Variants in GPATCH2L observed in about 807,000 individuals in gnomAD.
GPATCH2L encodes the protein G patch domain-containing protein 2-like.
In GPATCH2L, 31 loss-of-function variants were observed where a neutral mutation model predicts 57.4. The observed-to-expected ratio is 0.54, with a 90% CI of 0.41 to 0.73. GPATCH2L has a LOEUF of 0.73. Ranked by LOEUF, GPATCH2L falls within the 30% of genes least tolerant of loss-of-function variation. GPATCH2L has a pLI of 0.00. For missense variants in GPATCH2L, 481 were observed against 599.9 expected (o/e 0.80, Z 2.07); for synonymous variants, 199 against 210.7 (o/e 0.94, Z 0.48).
intron 1 of GPATCH2L, chr14:76,153,504 CT>C (rs1286661498): frequency 1.3e-5 from 2 of 152,208 alleles, no homozygotes. Flanking sequence ...AAACTTCACC[CT>C]ATCCCTGTCA....
intron 8 of GPATCH2L, among the ~76,000 whole-genome samples, chr14:76,190,114 A>T (rs1380865662): frequency 6.6e-6 from 1 of 150,388 alleles, no homozygotes; most frequent in East Asian, 1.9e-4. Flanking sequence ...TTCTCAAAGT[A>T]TTTTTTTTTC....
Position 76,201,826 on chromosome 14 carries a change from A to G in GPATCH2L, c.1424A>G (p.Gln475Arg). Residue 475 changes from glutamine (Q) to arginine (R), a missense_variant, in exon 10 of 10, where the codon CAA (glutamine) becomes CGA (arginine). Transcript: ENST00000261530. ...ATTATFFKMP[Q>R]EKSPGYS Reference sequence around the variant, plus strand: ...ACTGCTACATTTTTTAAAATGCCACAAGAAAAGAGCCCTGGATACAGCTAG... The same window carrying G: ...ACTGCTACATTTTTTAAAATGCCACGAGAAAAGAGCCCTGGATACAGCTAG... 3 of 1,614,056 alleles carry G rather than the reference A, an allele frequency of 1.9e-6. No homozygotes were observed. Among genetic ancestry groups the G allele is most frequent in the Non-Finnish European group, 2.5e-6 (3 of 1,179,948 alleles).
chr14:76,189,760 G>A (rs2039897114), intron 8 of GPATCH2L, among the ~76,000 whole-genome samples: 1 of 152,062 alleles, frequency 6.6e-6, no homozygotes, highest in Non-Finnish European at 1.5e-5. Context: ...GTGAAGGTGG[G>A]CATCCTTATC....
intron 8 of GPATCH2L, among the ~76,000 whole-genome samples, chr14:76,182,080 G>A (rs1566798337): frequency 1.3e-5 from 2 of 152,132 alleles, no homozygotes; most frequent in South Asian, 4.1e-4. Context: ...TTGAACTGCC[G>A]GGCGCGGTGG....
At chr14:76,230,061 G>A (rs2040553855) in intron 2 of GPATCH2L, 1 of 152,204 alleles carries the variant, frequency 6.6e-6, no homozygotes, top group South Asian at 2.1e-4. Context: ...CAGGCTCTGA[G>A]GCTGGTCTGC....
In GPATCH2L at chr14:76,233,170, G is replaced by A. The variant is rs74318675; in HGVS notation, c.*117+3217G>A. Among the ~76,000 whole-genome samples the A allele has an allele frequency of 2.1e-3, 319 of 152,226 alleles. 2 individuals are homozygous for A. Among genetic ancestry groups the A allele is most frequent in the African/African-American group, 7.3e-3 (303 of 41,518 alleles). On this transcript the variant is annotated intron_variant and NMD_transcript_variant, in intron 2 of 3. Coordinates refer to the GPATCH2L transcript ENST00000556372. ...GGTCAATTCTTAGGGTAAATTATTG[G>A]GAGTGGAATTATTGGAGCGAAGGAT...
chr14:76,215,607 T>G (rs2040484466), downstream of GPATCH2L, among the ~76,000 whole-genome samples: 1 of 151,834 alleles, frequency 6.6e-6, no homozygotes, highest in Admixed American at 6.6e-5. Context: ...GGAGTTCATG[T>G]CCTTTGTAGG....
At chr14:76,223,581 T>G (rs1190090235) in intron 1 of GPATCH2L, among the ~76,000 whole-genome samples, 20 of 152,086 alleles carry the variant, frequency 1.3e-4, no homozygotes, top group Non-Finnish European at 2.9e-5. Context: ...AATAGATAAA[T>G]AAGCCTTTAT....
chr14:76,219,004 A>C (rs28646149), downstream of GPATCH2L, among the ~76,000 whole-genome samples: 2 of 136,576 alleles, frequency 1.5e-5, no homozygotes, highest in East Asian at 2.1e-4. Context: ...TTCTAAAAGT[A>C]CAAAAAAAAA....
chr14:76,167,484 G>A (rs945890429), intron 3 of GPATCH2L, among the ~76,000 whole-genome samples: 3 of 152,148 alleles, frequency 2.0e-5, no homozygotes, highest in Admixed American at 2.0e-4. Context: ...AGCAATTAAA[G>A]GACAGACGTA....
At chr14:76,219,796 A>G (rs143642590) in intron 1 of GPATCH2L, among the ~76,000 whole-genome samples, 111 of 152,262 alleles carry the variant, frequency 7.3e-4, no homozygotes, top group African/African-American at 2.6e-3. Flanking sequence ...TGGAGGGGAT[A>G]GTGTCTTTTG....
chr14:76,217,577 G>A (rs538725520), downstream of GPATCH2L, among the ~76,000 whole-genome samples: 1 of 145,242 alleles, frequency 6.9e-6, no homozygotes, highest in African/African-American at 2.6e-5. Context: ...TGCAATAAGA[G>A]GAGATATATT....
At chr14:76,175,000 A>T (rs1311186572) in intron 5 of GPATCH2L, 6 of 152,192 alleles carry the variant, frequency 3.9e-5, no homozygotes, top group Non-Finnish European at 2.9e-5. Flanking sequence ...CAAATTACTC[A>T]TTTTACAGAC....
At position 76,176,594 on chromosome 14, in the gene GPATCH2L, T is replaced by C. The variant is rs774543493; in HGVS notation, c.985-29T>C. ...TTATATGTTTGTTTCTGTGGTTGGA[T>C]GATACTCTTGTCTGCCTTTTCTTTT... is the stretch of plus-strand genomic sequence containing the variant. On this transcript the variant is annotated intron_variant, in intron 5 of 9. Coordinates refer to ENST00000261530, the MANE Select transcript of GPATCH2L (RefSeq NM_017926.4). 11 of 1,485,516 alleles carry C rather than the reference T, an allele frequency of 7.4e-6. No homozygotes were observed. The South Asian group carries it at 1.1e-4, about 15-fold the overall frequency. 92.0% of individuals were successfully genotyped at this position (1,485,516 alleles called of 1,614,324 possible).
At chr14:76,199,005 G>A (rs1345319322) in intron 9 of GPATCH2L, among the ~76,000 whole-genome samples, 1 of 152,044 alleles carries the variant, frequency 6.6e-6, no homozygotes, top group Non-Finnish European at 1.5e-5. Context: ...AATTCTTATT[G>A]CCCACTGTGT....
chr14:76,212,388 G>A lies in GPATCH2L; in HGVS notation c.*10537G>A, dbSNP rs573187477. 29 of 151,712 alleles carry A rather than the reference G, an allele frequency of 1.9e-4. No individual in the cohort carries two copies. Among genetic ancestry groups the A allele is most frequent in the African/African-American group, 7.0e-4 (29 of 41,392 alleles). The allele number at this position is 151,712 out of a possible 1,614,324, so 9.4% of individuals were successfully genotyped here. ...GCATATCAGGCAAGGTTGAACTTAG[G>A]GAAAAGGAACCGGAAAAAAAAAAAC... On this transcript the variant is annotated 3_prime_UTR_variant, in exon 10 of 10. Coordinates refer to ENST00000261530, the MANE Select transcript of GPATCH2L (RefSeq NM_017926.4).
At chr14:76,196,138 T>A (rs1207036497) in intron 9 of GPATCH2L, 166 bp downstream of exon 9, 1 of 715,572 alleles carries the variant, frequency 1.4e-6, no homozygotes, top group African/African-American at 1.7e-5. Flanking sequence ...TAGTTCTTGC[T>A]GACTCTGAAG....
In GPATCH2L at chr14:76,178,005, C is replaced by T; in HGVS notation, c.1070C>T (p.Ala357Val). The change falls in exon 7 of 10, where the codon GCT becomes GTT. Residue 357 changes from alanine to valine, a missense_variant. Ala to Val is a moderately conservative substitution (Grantham distance 64, BLOSUM62 0). Coordinates refer to ENST00000261530, the MANE Select transcript of GPATCH2L (RefSeq NM_017926.4). ...TTCTTTAGAAAGAATAAAGCGTTGG[C>T]TTCTGATTTTCCTCACATTTCTGCT... ...PRQKEKNKAL[A>V]SDFPHISACA... 2 of 1,606,132 alleles carry T rather than the reference C, an allele frequency of 1.2e-6. No individual in the cohort carries two copies.
chr14:76,195,102 G>A lies in GPATCH2L; in HGVS notation c.1194-776G>A, dbSNP rs558199073. On this transcript the variant is annotated intron_variant, in intron 8 of 9. Transcript: ENST00000261530. ...TTGTGTAAAGGTGAGACTCATTTTG[G>A]TCTTTAATCAGAGGCAGGATCTGTC... Among the ~76,000 whole-genome samples the A allele has an allele frequency of 5.3e-5, 8 of 152,222 alleles. No homozygotes were observed. The East Asian group carries it at 1.4e-3, about 26-fold the overall frequency.
Sources: allele counts gnomAD v4.1 joint callset (sites outside exome capture counted in the v4.1 genomes callset), GRCh38; gene constraint gnomAD v4.1.1; transcripts MANE v1.5; gene names NCBI Gene and HGNC (gene_info 2026-07-23, HGNC 2026-07-21).